Variants in VAV3 observed in about 807,000 individuals in gnomAD.
VAV3 encodes the protein guanine nucleotide exchange factor VAV3.
Under a neutral mutation model 131.2 loss-of-function variants are expected in VAV3, and 94 were observed. That is an observed-to-expected ratio of 0.72 (90% confidence interval 0.61 to 0.85). The LOEUF (loss-of-function observed/expected upper bound fraction) is 0.85, where lower values mean the gene tolerates loss of function less well. VAV3 is among the 40% of genes least tolerant of loss of function. The probability of loss-of-function intolerance (pLI) is 0.00; values close to 1 mark genes in which losing one functional copy is unlikely to be tolerated. For synonymous variants in VAV3, 349 were observed against 342.0 expected, an observed-to-expected ratio of 1.02 and a Z score of -0.22; for missense variants, 939 against 1,002.7, an observed-to-expected ratio of 0.94 and a Z score of 0.86.
At chr1:107,805,916 T>C (rs1667037584) in intron 2 of VAV3, among the ~76,000 whole-genome samples, 1 of 152,182 alleles carries the variant, frequency 6.6e-6, no homozygotes, top group African/African-American at 2.4e-5. Flanking sequence ...ATTAGTGTGC[T>C]ACTAGTCCCA....
intron 19 of VAV3, among the ~76,000 whole-genome samples, chr1:107,671,822 T>G (rs1310455889): frequency 6.6e-6 from 1 of 152,230 alleles, no homozygotes; most frequent in Non-Finnish European, 1.5e-5. Context: ...TAAGTATTTA[T>G]ATTTGTTTAA....
At chr1:107,837,217 T>G (rs1204724762) in intron 2 of VAV3, among the ~76,000 whole-genome samples, 1 of 152,132 alleles carries the variant, frequency 6.6e-6, no homozygotes, top group Non-Finnish European at 1.5e-5. Flanking sequence ...AAAAGTTAGT[T>G]TACCATGATG....
intron 18 of VAV3, chr1:107,686,034 T>TGGGGGGGGGGGGGGGGGGGGGGGG (rs554715740): frequency 1.2e-5 from 1 of 85,056 alleles, no homozygotes; most frequent in Non-Finnish European, 2.3e-5. Context: ...GTTGGGGGGG[T>TGGGGGGGGGGGGGGGGGGGGGGGG]GGGGGGGGAG....
At chr1:107,636,559 T>C (rs1324289153) in intron 20 of VAV3, among the ~76,000 whole-genome samples, 1 of 152,182 alleles carries the variant, frequency 6.6e-6, no homozygotes, top group African/African-American at 2.4e-5. Flanking sequence ...AAAATAATTA[T>C]ATTAGCCCAC....
At chr1:107,898,619 C>T (rs1671718051) in intron 1 of VAV3, among the ~76,000 whole-genome samples, 1 of 152,114 alleles carries the variant, frequency 6.6e-6, no homozygotes, top group Admixed American at 6.5e-5. Context: ...AAGCATTCAG[C>T]AGATTACTGT....
chr1:107,838,769 T>C (rs1668575804), intron 2 of VAV3, among the ~76,000 whole-genome samples: 3 of 152,036 alleles, frequency 2.0e-5, no homozygotes, highest in African/African-American at 7.2e-5. Flanking sequence ...AGCCCTAAAA[T>C]AAAAAGAATA....
At chr1:107,602,945 A>T in intron 23 of VAV3, 102 bp downstream of exon 23, 1 of 828,790 alleles carries the variant, frequency 1.2e-6, no homozygotes, top group Non-Finnish European at 1.9e-6. Flanking sequence ...TTCTCCTTCA[A>T]TTAGAACTTT....
intron 2 of VAV3, among the ~76,000 whole-genome samples, chr1:107,811,610 G>A (rs567449188): frequency 2.6e-5 from 4 of 151,950 alleles, no homozygotes; most frequent in Non-Finnish European, 5.9e-5. Flanking sequence ...TTTAAAATAT[G>A]GGAAGAAAAC....
intron 25 of VAV3, among the ~76,000 whole-genome samples, chr1:107,580,248 T>C (rs2335792): frequency 0.14 from 20,640 of 152,150 alleles, 1,493 homozygotes; most frequent in Non-Finnish European, 0.16. Context: ...AAGTTCCTTA[T>C]GTCTCCTCCT....
At chr1:107,738,222 G>A (rs1662790274) in intron 15 of VAV3, among the ~76,000 whole-genome samples, 1 of 152,168 alleles carries the variant, frequency 6.6e-6, no homozygotes, top group Non-Finnish European at 1.5e-5. Context: ...GGGAATGGGG[G>A]AGGGATAGCA....
chr1:107,648,483 G>A (rs1405726118), intron 19 of VAV3, among the ~76,000 whole-genome samples: 1 of 151,930 alleles, frequency 6.6e-6, no homozygotes, highest in East Asian at 1.9e-4. Flanking sequence ...TGGAAAAAAT[G>A]TTTCCCTAAA....
chr1:107,757,272 C>T lies in VAV3; in HGVS notation c.1075G>A (p.Asp359Asn). The change falls in exon 11 of 27, where the codon GAT becomes AAT. Residue 359 changes from aspartate (D) to asparagine (N), a missense_variant. Asp to Asn is a conservative substitution (Grantham distance 23). Transcript: ENST00000370056. ...TEKANLKLAL[D>N]AMKDLAQYVN... ...TGAATCTGCCCTACCTTCATGGCAT[C>T]AAGAGCCAGTTTCAGATTTGCCTTC... is the stretch of plus-strand genomic sequence containing the variant. 6.2e-7 allele frequency: 1 copy of T among 1,612,804 alleles called. No individual in the cohort carries two copies. Among genetic ancestry groups the T allele is most frequent in the Non-Finnish European group, 8.5e-7 (1 of 1,179,628 alleles).
At chr1:107,759,347 TAAATA>T (rs1349166347) in intron 10 of VAV3, among the ~76,000 whole-genome samples, 1 of 152,214 alleles carries the variant, frequency 6.6e-6, no homozygotes, top group African/African-American at 2.4e-5. Context: ...TTTACTTCAT[TAAATA>T]AAAGTCATGT....
intron 4 of VAV3, among the ~76,000 whole-genome samples, chr1:107,773,581 G>T (rs145401761): frequency 6.6e-6 from 1 of 152,174 alleles, no homozygotes; most frequent in African/African-American, 2.4e-5. Context: ...GAGAGGAACA[G>T]ACAGAGATAG....
chr1:107,646,142 T>A (rs1309761752), intron 19 of VAV3, among the ~76,000 whole-genome samples: 1 of 152,118 alleles, frequency 6.6e-6, no homozygotes, highest in Non-Finnish European at 1.5e-5. Flanking sequence ...CAAAGGATGC[T>A]GAGGTGCAAA....
rs530552622 is a variant in VAV3, at chr1:107,571,800, C to A, written c.*1531G>T. ...CTGAGGTAAAGGTCTTGAATCTATCCTAGATGAAAAGTCCTAGCCCATGAG... is the reference window on the plus strand; with the variant it reads ...CTGAGGTAAAGGTCTTGAATCTATCATAGATGAAAAGTCCTAGCCCATGAG... On this transcript the variant is annotated 3_prime_UTR_variant, in exon 27 of 27. Transcript: ENST00000370056. The A allele has an allele frequency of 2.0e-5, 3 of 152,712 alleles. No individual in the cohort carries two copies. Among genetic ancestry groups the A allele is most frequent in the African/African-American group, 7.2e-5 (3 of 41,550 alleles). 9.5% of individuals were successfully genotyped at this position (152,712 alleles called of 1,614,324 possible).
intron 2 of VAV3, among the ~76,000 whole-genome samples, chr1:107,836,268 C>A (rs1668473626): frequency 6.6e-6 from 1 of 152,100 alleles, no homozygotes; most frequent in Non-Finnish European, 1.5e-5. Context: ...TAAGATTGAC[C>A]ATATGTTTAG....
At chr1:107,684,912 G>A (rs1044237767) in intron 18 of VAV3, among the ~76,000 whole-genome samples, 7 of 152,022 alleles carry the variant, frequency 4.6e-5, no homozygotes, top group African/African-American at 9.7e-5. Flanking sequence ...AAACAACATC[G>A]AACAACACAA....
chr1:107,667,514 A>G (rs1469324131), intron 19 of VAV3, among the ~76,000 whole-genome samples: 1 of 152,182 alleles, frequency 6.6e-6, no homozygotes, highest in Non-Finnish European at 1.5e-5. Context: ...TTTTACACAA[A>G]ATAATGTAAA....
Sources: allele counts gnomAD v4.1 joint callset (sites outside exome capture counted in the v4.1 genomes callset), GRCh38; gene constraint gnomAD v4.1.1; transcripts MANE v1.5; gene names NCBI Gene and HGNC (gene_info 2026-07-23, HGNC 2026-07-21).